Variants in CENPN observed in about 807,000 individuals in gnomAD.
CENPN encodes the protein centromere protein N, also known as interphase centromere complex protein 32.
CENPN carries 36 observed loss-of-function variants against 48.6 expected under a neutral mutation model. The observed-to-expected ratio is 0.74, with a 90% CI of 0.57 to 0.98. CENPN has a LOEUF of 0.98. CENPN is among the 50% of genes least tolerant of loss of function. The probability of loss-of-function intolerance (pLI) is 0.00; values close to 1 mark genes in which losing one functional copy is unlikely to be tolerated. For missense variants in CENPN, 439 were observed against 399.2 expected, an observed-to-expected ratio of 1.10 and a Z score of -0.85; for synonymous variants, 166 against 135.2, an observed-to-expected ratio of 1.23 and a Z score of -1.58.
At chr16:81,031,856 G>A (rs1970792955), downstream of CENPN, among the ~76,000 whole-genome samples, 1 of 152,142 alleles carries the variant, frequency 6.6e-6, no homozygotes, top group South Asian at 2.1e-4. Flanking sequence ...TGCCGCCTCG[G>A]CCTCCCAAAG....
At chr16:81,014,475 C>T (rs1969860581) in intron 3 of CENPN, 2 of 346,276 alleles carry the variant, frequency 5.8e-6, no homozygotes, top group African/African-American at 4.1e-5. Flanking sequence ...TAAAGTGTTC[C>T]TCCTACCAAA....
At chr16:81,032,506 G>A (rs1390664854), downstream of CENPN, 1 of 1,490,020 alleles carries the variant, frequency 6.7e-7, no homozygotes, top group Non-Finnish European at 9.0e-7. Flanking sequence ...AATAAAACTT[G>A]TATGTCTTTT....
chr16:81,012,983 T>C (rs767916367), intron 2 of CENPN, among the ~76,000 whole-genome samples: 2 of 152,256 alleles, frequency 1.3e-5, no homozygotes, highest in South Asian at 4.1e-4. Flanking sequence ...ATAGGAGGTA[T>C]GTATAAATAT....
chr16:81,029,371 T>C lies in CENPN; in HGVS notation c.*720T>C, dbSNP rs1597113357. 1.1e-6 allele frequency: 1 copy of C among 884,168 alleles called. No individual in the cohort carries two copies. The highest frequency in any genetic ancestry group is 1.4e-6 in the Non-Finnish European group (1 of 737,632). 54.8% of individuals were successfully genotyped at this position (884,168 alleles called of 1,614,324 possible). On this transcript the variant is annotated 3_prime_UTR_variant, in exon 11 of 11. Transcript: ENST00000305850. ...GATCATCACTAAATACCCTATCTTT[T>C]TAAAAATTTTTTCCTTTCTAATTTT...
chr16:81,015,319 G>C (rs1186613394), intron 3 of CENPN, among the ~76,000 whole-genome samples: 1 of 152,164 alleles, frequency 6.6e-6, no homozygotes, highest in Non-Finnish European at 1.5e-5. Context: ...TCATTTCATG[G>C]CTCCGTTACT....
intron 1 of CENPN, among the ~76,000 whole-genome samples, chr16:81,010,063 G>C (rs930963870): frequency 1.5e-4 from 23 of 152,262 alleles, no homozygotes; most frequent in African/African-American, 5.3e-4. Flanking sequence ...GCCAGGCGTG[G>C]TGGTGCACGC....
chr16:81,019,476 C>G (rs1970079126), intron 5 of CENPN, among the ~76,000 whole-genome samples: 1 of 151,958 alleles, frequency 6.6e-6, no homozygotes, highest in Non-Finnish European at 1.5e-5. Flanking sequence ...CCTCAGCCTC[C>G]CAAAGTGCTA....
At position 81,014,143 on chromosome 16, in the gene CENPN, G is replaced by T. The variant is rs147389889; in HGVS notation, c.179G>T (p.Arg60Leu). 18 of 1,613,078 alleles carry T rather than the reference G, an allele frequency of 1.1e-5. No homozygotes were observed. The Admixed American group carries it at 2.5e-4, about 22-fold the overall frequency. The change falls in exon 3 of 11, where the codon CGT becomes CTT. Residue 60 changes from arginine (R) to leucine (L), a missense_variant. Coordinates refer to ENST00000305850, the MANE Select transcript of CENPN (RefSeq NM_001100624.3). ...ATTTGTTTTCTCTTTTAGGAAAAGC[G>T]TGCAAGTATCAGTGATGCTGCCCTG... The part of the protein sequence containing the change: ...QHLIHLCEEK[R>L]ASISDAALLD...
At chr16:81,007,737 T>C (rs750846081) in intron 1 of CENPN, among the ~76,000 whole-genome samples, 1 of 152,202 alleles carries the variant, frequency 6.6e-6, no homozygotes, top group Non-Finnish European at 1.5e-5. Flanking sequence ...AAAATGGATC[T>C]TTTTGATCAT....
Position 81,029,792 on chromosome 16 carries a change from C to T in CENPN, c.*1141C>T, listed in dbSNP as rs1336467490. ...GTTTCTCCATGTTGCCCAGGCTGAT[C>T]TCAAACTCCTGGGCTCAAGCAATCT... On this transcript the variant is annotated 3_prime_UTR_variant, in exon 11 of 11. Coordinates refer to ENST00000305850, the MANE Select transcript of CENPN (RefSeq NM_001100624.3). Among the ~76,000 whole-genome samples, 1 of 152,160 alleles carries T rather than the reference C, an allele frequency of 6.6e-6. No homozygotes were observed. The highest frequency in any genetic ancestry group is 1.9e-4 in the East Asian group (1 of 5,198).
rs368992165 is a variant in CENPN, at chr16:81,017,406, T to G, written c.277+21T>G. 8 of 1,497,944 alleles carry G rather than the reference T, an allele frequency of 5.3e-6. No homozygotes were observed. The Admixed American group carries it at 1.2e-4, about 22-fold the overall frequency. The allele number at this position is 1,497,944 out of a possible 1,614,324, so 92.8% of individuals were successfully genotyped here. ...ACCAGGTAATATTTTCTGTTTACAA[T>G]TGAATATTTGATAGTTTGGCTTGGA... On this transcript the variant is annotated intron_variant, in intron 4 of 10. Transcript: ENST00000305850.
intron 1 of CENPN, among the ~76,000 whole-genome samples, chr16:81,009,153 G>A (rs56077763): frequency 0.036 from 5,434 of 152,272 alleles, 313 homozygotes; most frequent in African/African-American, 0.12. Flanking sequence ...GCTGCAGGAG[G>A]CTGCAGTGAG....
At chr16:81,026,768 T>A in intron 9 of CENPN, 130 bp downstream of exon 9, 1 of 466,842 alleles carries the variant, frequency 2.1e-6, no homozygotes, top group Non-Finnish European at 3.9e-6. Context: ...TGTAATAAAT[T>A]TATGAATTAA....
chr16:81,028,947 C>G lies in CENPN; in HGVS notation c.*296C>G, dbSNP rs1970642701. The G allele has an allele frequency of 3.8e-6, 4 of 1,065,216 alleles. No individual in the cohort carries two copies. The highest frequency in any genetic ancestry group is 4.5e-6 in the Non-Finnish European group (4 of 882,464). The allele number at this position is 1,065,216 out of a possible 1,614,324, so 66.0% of individuals were successfully genotyped here. A position where few individuals can be genotyped will look rare whatever the true frequency, so the allele number is the denominator to read the frequency against. ...GAATGCTCTGAAATCAAGCATATGG[C>G]ACAGCGCTCAAGACTTTTGGGTTTG... On this transcript the variant is annotated 3_prime_UTR_variant, in exon 11 of 11. Coordinates refer to ENST00000305850, the MANE Select transcript of CENPN (RefSeq NM_001100624.3).
At chr16:81,008,403 G>A (rs945829614) in intron 1 of CENPN, among the ~76,000 whole-genome samples, 1 of 151,990 alleles carries the variant, frequency 6.6e-6, no homozygotes, top group Non-Finnish European at 1.5e-5. Flanking sequence ...ACGGAGTCTT[G>A]CTTTGTCGCC....
downstream of CENPN, among the ~76,000 whole-genome samples, chr16:81,031,784 G>C (rs1317041817): frequency 6.6e-6 from 1 of 152,114 alleles, no homozygotes; most frequent in East Asian, 1.9e-4. Context: ...TGTATTTTTA[G>C]TAGAGACAGG....
intron 2 of CENPN, 32 bp downstream of exon 2, chr16:81,012,142 A>T: frequency 6.3e-7 from 1 of 1,596,768 alleles, no homozygotes. Context: ...AGCCTTGAAC[A>T]GAGTGCTACC....
In CENPN at chr16:81,022,643, T is replaced by C. The variant is rs1970269602; in HGVS notation, c.578T>C (p.Leu193Pro). The C allele has an allele frequency of 6.2e-7, 1 of 1,613,998 alleles. No individual in the cohort carries two copies. Among genetic ancestry groups the C allele is most frequent in the African/African-American group, 1.3e-5 (1 of 74,924 alleles). Reference sequence around the variant, plus strand: ...CACCATCAGATTGTGAAAATGGACCTGAGAAGTCGGTATCTGGACTCTCTT... The same window carrying C: ...CACCATCAGATTGTGAAAATGGACCCGAGAAGTCGGTATCTGGACTCTCTT... ...SKHHQIVKMD[L>P]RSRYLDSLKA... The change falls in exon 7 of 11, where the codon CTG (leucine) becomes CCG (proline). Residue 193 changes from leucine to proline, a missense_variant. Leu to Pro is a moderately conservative substitution (Grantham distance 98, BLOSUM62 -3). Transcript: ENST00000305850.
chr16:81,008,166 AT>A (rs1396196511), intron 1 of CENPN, among the ~76,000 whole-genome samples: 1 of 152,084 alleles, frequency 6.6e-6, no homozygotes, highest in African/African-American at 2.4e-5. Context: ...TACTAAAGGG[AT>A]TTCCGTCTTA....
Sources: allele counts gnomAD v4.1 joint callset (sites outside exome capture counted in the v4.1 genomes callset), GRCh38; gene constraint gnomAD v4.1.1; transcripts MANE v1.5; gene names NCBI Gene and HGNC (gene_info 2026-07-23, HGNC 2026-07-21).